Variants in NDUFS4 observed in about 807,000 individuals in gnomAD.
NDUFS4 encodes NADH:ubiquinone oxidoreductase subunit S4.
NDUFS4 carries 28 observed loss-of-function variants against 24.3 expected under a neutral mutation model. The ratio of observed to expected loss-of-function variants is 1.15; its 90% CI spans 0.85 to 1.58. NDUFS4 has a LOEUF of 1.58. NDUFS4 is among the 40% of genes most tolerant of loss of function. The pLI, the probability that NDUFS4 is intolerant of heterozygous loss-of-function variation, is 0.00. For missense variants in NDUFS4, 223 were observed against 207.9 expected, an observed-to-expected ratio of 1.07 and a Z score of -0.45; for synonymous variants, 93 against 69.7, an observed-to-expected ratio of 1.34 and a Z score of -1.67.
chr5:53,672,202 C>T (rs1208099865), intron 4 of NDUFS4, among the ~76,000 whole-genome samples: 1 of 151,574 alleles, frequency 6.6e-6, no homozygotes, highest in African/African-American at 2.4e-5. Flanking sequence ...GGGTCTCAAC[C>T]TCACATCCAT....
chr5:53,670,808 A>G (rs915268439), intron 4 of NDUFS4, among the ~76,000 whole-genome samples: 5 of 151,590 alleles, frequency 3.3e-5, no homozygotes, highest in African/African-American at 1.2e-4. Context: ...TATGTTACTT[A>G]TAAAATAATA....
At chr5:53,585,883 TTTC>T (rs1749736896) in intron 1 of NDUFS4, among the ~76,000 whole-genome samples, 1 of 152,112 alleles carries the variant, frequency 6.6e-6, no homozygotes, top group African/African-American at 2.4e-5. Flanking sequence ...TTGATAGTTT[TTTC>T]TTTTGTTTTG....
intron 1 of NDUFS4, among the ~76,000 whole-genome samples, chr5:53,583,114 T>A (rs1232413471): frequency 6.6e-6 from 1 of 152,160 alleles, no homozygotes; most frequent in African/African-American, 2.4e-5. Flanking sequence ...CCTGACCTCA[T>A]GATCCGCCCG....
At chr5:53,582,303 A>T (rs891781339) in intron 1 of NDUFS4, among the ~76,000 whole-genome samples, 1 of 152,204 alleles carries the variant, frequency 6.6e-6, no homozygotes, top group African/African-American at 2.4e-5. Flanking sequence ...AATAAAAACA[A>T]GTAAGATACT....
chr5:53,610,275 G>A (rs564590323), intron 2 of NDUFS4, among the ~76,000 whole-genome samples: 1 of 152,242 alleles, frequency 6.6e-6, no homozygotes, highest in South Asian at 2.1e-4. Flanking sequence ...GGTGAGGTAC[G>A]AGGAAATGGC....
intron 2 of NDUFS4, among the ~76,000 whole-genome samples, chr5:53,609,047 G>C (rs150941282): frequency 1.4e-4 from 21 of 152,120 alleles, no homozygotes; most frequent in African/African-American, 5.1e-4. Flanking sequence ...GGGGACTAAG[G>C]TTCTCCCAGT....
Position 53,683,280 on chromosome 5 carries a change from A to T in NDUFS4, c.*59A>T. 8.5e-7 allele frequency: 1 copy of T among 1,181,662 alleles called. No individual in the cohort carries two copies. Among genetic ancestry groups the T allele is most frequent in the Non-Finnish European group, 1.3e-6 (1 of 787,012 alleles). The allele number at this position is 1,181,662 out of a possible 1,614,324, so 73.2% of individuals were successfully genotyped here. A position where few individuals can be genotyped will look rare whatever the true frequency, so the allele number is the denominator to read the frequency against. The stretch of plus-strand genomic sequence containing the variant: ...ATAAAGTCAGCTGTGCAGTATTTAT[A>T]GTCCATGTATAATAAATACATCTCT... On this transcript the variant is annotated 3_prime_UTR_variant, in exon 5 of 5. Transcript: ENST00000296684.
intron 3 of NDUFS4, among the ~76,000 whole-genome samples, chr5:53,656,775 CT>C (rs1371250381): frequency 6.6e-6 from 1 of 152,052 alleles, no homozygotes; most frequent in Non-Finnish European, 1.5e-5. Flanking sequence ...GGGATTTGAA[CT>C]TTAGGAAGAC....
At chr5:53,654,018 T>C (rs1752093696) in intron 3 of NDUFS4, among the ~76,000 whole-genome samples, 1 of 152,166 alleles carries the variant, frequency 6.6e-6, no homozygotes, top group African/African-American at 2.4e-5. Flanking sequence ...GTTTTCTCCT[T>C]ATAGCCAATT....
chr5:53,628,013 T>A (rs941159369), intron 2 of NDUFS4, among the ~76,000 whole-genome samples: 1 of 152,198 alleles, frequency 6.6e-6, no homozygotes, highest in Non-Finnish European at 1.5e-5. Context: ...ATATTGGCTG[T>A]AGGTTTGTCA....
chr5:53,574,738 AT>A (rs1749328604), intron 1 of NDUFS4, among the ~76,000 whole-genome samples: 1 of 151,964 alleles, frequency 6.6e-6, no homozygotes, highest in Non-Finnish European at 1.5e-5. Flanking sequence ...GTTTTGTTTA[AT>A]TTCCATGTAT....
intron 3 of NDUFS4, among the ~76,000 whole-genome samples, chr5:53,657,062 A>G (rs1388741063): frequency 6.6e-6 from 1 of 152,122 alleles, no homozygotes. Flanking sequence ...TAAAGTGAGG[A>G]TAATAATAAA....
At chr5:53,572,634 T>A (rs1749247282) in intron 1 of NDUFS4, among the ~76,000 whole-genome samples, 1 of 151,876 alleles carries the variant, frequency 6.6e-6, no homozygotes, top group Non-Finnish European at 1.5e-5. Flanking sequence ...TTTTTTTCTG[T>A]ATTGTCTTCT....
chr5:53,578,050 CTGAT>C (rs1487629002), intron 1 of NDUFS4, among the ~76,000 whole-genome samples: 2 of 152,316 alleles, frequency 1.3e-5, no homozygotes, highest in Admixed American at 6.5e-5. Flanking sequence ...TCATCTCTGA[CTGAT>C]TATCATTGTG....
intron 3 of NDUFS4, among the ~76,000 whole-genome samples, chr5:53,647,318 G>A (rs893417500): frequency 2.6e-5 from 4 of 151,986 alleles, no homozygotes; most frequent in Non-Finnish European, 4.4e-5. Context: ...ATGATCAAGC[G>A]GTCCTCCCAC....
At chr5:53,670,114 A>T (rs1011049343) in intron 4 of NDUFS4, among the ~76,000 whole-genome samples, 1 of 152,144 alleles carries the variant, frequency 6.6e-6, no homozygotes, top group African/African-American at 2.4e-5. Context: ...ATTATTTCAT[A>T]ATGTTTGAAT....
At chr5:53,588,594 T>C (rs888670654) in intron 1 of NDUFS4, among the ~76,000 whole-genome samples, 18 of 152,192 alleles carry the variant, frequency 1.2e-4, no homozygotes, top group East Asian at 1.9e-4. Context: ...GTGAAAAATA[T>C]ATGAATGCTG....
intron 2 of NDUFS4, among the ~76,000 whole-genome samples, chr5:53,640,858 A>C (rs1169115575): frequency 6.6e-6 from 1 of 152,130 alleles, no homozygotes; most frequent in Non-Finnish European, 1.5e-5. Flanking sequence ...GGAATATGAC[A>C]TGCCTGTAAT....
intron 1 of NDUFS4, among the ~76,000 whole-genome samples, chr5:53,569,036 C>A (rs927785029): frequency 3.9e-5 from 6 of 152,140 alleles, no homozygotes; most frequent in Non-Finnish European, 7.4e-5. Context: ...GACTGTTCAG[C>A]AAGCCATATG....
Sources: gnomAD v4.1 joint callset for allele counts (sites outside exome capture counted in the v4.1 genomes callset) on GRCh38, gnomAD v4.1.1 for gene constraint, MANE v1.5 for transcripts, NCBI Gene and HGNC (gene_info 2026-07-23, HGNC 2026-07-21) for gene names.